HERC1: variants seen among roughly 807,000 people sequenced by gnomAD.
HERC1 encodes probable E3 ubiquitin-protein ligase HERC1.
Under a neutral mutation model 554.3 loss-of-function variants are expected in HERC1, and 160 were observed. The ratio of observed to expected loss-of-function variants is 0.29; its 90% CI spans 0.25 to 0.33. The LOEUF (loss-of-function observed/expected upper bound fraction) is 0.33, where lower values mean the gene tolerates loss of function less well. Ranked by LOEUF, HERC1 falls within the 10% of genes least tolerant of loss-of-function variation. The probability of loss-of-function intolerance (pLI) is 1.00; values close to 1 mark genes in which losing one functional copy is unlikely to be tolerated. For synonymous variants in HERC1, 2,175 were observed against 2,131.7 expected (o/e 1.02, Z -0.56); for missense variants, 4,919 against 5,918.5 (o/e 0.83, Z 5.54).
At chr15:63,832,077 C>G (rs2078174124) in intron 1 of HERC1, among the ~76,000 whole-genome samples, 1 of 152,178 alleles carries the variant, frequency 6.6e-6, no homozygotes, top group South Asian at 2.1e-4. Flanking sequence ...AGATGACAAT[C>G]TATCCTATTT....
intron 51 of HERC1, among the ~76,000 whole-genome samples, chr15:63,652,814 A>G (rs1044873060): frequency 2.0e-5 from 3 of 151,936 alleles, no homozygotes; most frequent in African/African-American, 7.3e-5. Context: ...CCACAACTGG[A>G]TAATTTTTGT....
chr15:63,702,877 G>C (rs922953960), intron 25 of HERC1, among the ~76,000 whole-genome samples: 1 of 152,132 alleles, frequency 6.6e-6, no homozygotes, highest in Non-Finnish European at 1.5e-5. Flanking sequence ...AGACCAAGGT[G>C]GGGGGATCAC....
In HERC1 at chr15:63,638,399, C is replaced by A; in HGVS notation, c.12093+12G>T. Reference sequence around the variant, plus strand: ...CCCATGTTTCTTTTCTATTTTTTATCCTGTTAGTTACCTGTTGGGCCTGTG... The same window carrying A: ...CCCATGTTTCTTTTCTATTTTTTATACTGTTAGTTACCTGTTGGGCCTGTG... On this transcript the variant is annotated intron_variant, in intron 63 of 77. Transcript: ENST00000443617. The A allele has an allele frequency of 6.2e-7, 1 of 1,605,552 alleles. No homozygotes were observed. The highest frequency in any genetic ancestry group is 8.5e-7 in the Non-Finnish European group (1 of 1,177,192).
chr15:63,623,797 C>T lies in HERC1; in HGVS notation c.13539G>A (p.Lys4513=). 6.2e-7 allele frequency: 1 copy of T among 1,614,022 alleles called. No individual in the cohort carries two copies. The highest frequency in any genetic ancestry group is 8.5e-7 in the Non-Finnish European group (1 of 1,179,900). The change falls in exon 73 of 78, where the codon AAG becomes AAA. Residue 4513 remains lysine, a synonymous_variant. Coordinates refer to ENST00000443617, the MANE Select transcript of HERC1 (RefSeq NM_003922.4). The part of the protein sequence containing the change: ...SDLRLPSRAW[K]VKLVGEGADD... The stretch of plus-strand genomic sequence containing the variant: ...CAGCCCCTTCTCCAACCAGCTTAAC[C>T]TTCCACGCTCGGGAAGGCAGGCGGA...
intron 68 of HERC1, among the ~76,000 whole-genome samples, chr15:63,631,219 C>A (rs554490717): frequency 3.0e-4 from 45 of 152,314 alleles, no homozygotes; most frequent in African/African-American, 9.1e-4. Flanking sequence ...CCAACCTCTC[C>A]CCTTACCTTG....
At chr15:63,808,977 C>T (rs2077214534) in intron 1 of HERC1, among the ~76,000 whole-genome samples, 3 of 152,180 alleles carry the variant, frequency 2.0e-5, no homozygotes. Flanking sequence ...ACTTCAAGAA[C>T]TCATTCTTAT....
chr15:63,805,661 A>C (rs2077115360), intron 1 of HERC1, among the ~76,000 whole-genome samples: 1 of 152,180 alleles, frequency 6.6e-6, no homozygotes, highest in Admixed American at 6.5e-5. Flanking sequence ...AAAAACAAAC[A>C]AAAGGTCAGA....
chr15:63,796,021 G>A (rs1192358481), intron 1 of HERC1, among the ~76,000 whole-genome samples: 1 of 152,218 alleles, frequency 6.6e-6, no homozygotes, highest in Admixed American at 6.5e-5. Flanking sequence ...AATTGTGGGA[G>A]CTAAGAACAT....
At chr15:63,696,444 C>A in intron 26 of HERC1, 105 bp from the exon 27 acceptor site, 1 of 716,136 alleles carries the variant, frequency 1.4e-6, no homozygotes, top group Non-Finnish European at 2.4e-6. Flanking sequence ...TCTGACATTT[C>A]ATATGAATCT....
chr15:63,661,761 A>G lies in HERC1; in HGVS notation c.9162T>C (p.Ser3054=), dbSNP rs1370162612. 20 of 1,613,932 alleles carry G rather than the reference A, an allele frequency of 1.2e-5. No homozygotes were observed. Among genetic ancestry groups the G allele is most frequent in the Non-Finnish European group, 1.6e-5 (19 of 1,179,816 alleles). ...LAMKTKSKST[S]SERYKGQAPD... is the part of the protein sequence containing the mutation. The stretch of plus-strand genomic sequence containing the variant: ...ACACAATTTCAAGGTACCTTTCAGA[A>G]CTTGTTGACTTAGATTTGGTCTTCA... The change falls in exon 45 of 78, where the codon AGT becomes AGC. Residue 3054 remains serine (S), a synonymous_variant. Coordinates refer to ENST00000443617, the MANE Select transcript of HERC1 (RefSeq NM_003922.4).
rs1339316373 is a variant in HERC1, at chr15:63,636,003, C to T, written c.12372G>A (p.Arg4124=). 1 of 1,613,976 alleles carries T rather than the reference C, an allele frequency of 6.2e-7. No individual in the cohort carries two copies. Reference sequence around the variant, plus strand: ...CTTGTAAGGCCTCGATCTGCCTGGGCCGCCGCTGCCTGTCGCTGTTCCCAT... The same window carrying T: ...CTTGTAAGGCCTCGATCTGCCTGGGTCGCCGCTGCCTGTCGCTGTTCCCAT... ...LGHGNSDRQR[R]PRQIEALQGE... The change falls in exon 65 of 78, where the codon CGG becomes CGA. Residue 4124 remains arginine, a synonymous_variant. Coordinates refer to ENST00000443617, the MANE Select transcript of HERC1 (RefSeq NM_003922.4).
At position 63,639,477 on chromosome 15, in the gene HERC1, T is replaced by G. The variant is rs1315217592; in HGVS notation, c.11901+675A>C. On this transcript the variant is annotated intron_variant, in intron 61 of 77. Coordinates refer to ENST00000443617, the MANE Select transcript of HERC1 (RefSeq NM_003922.4). ...TCTATGATATTCCCAGCGTCAAGATTGCCTAACAATGCATTTCTCAGAACA... is the reference window on the plus strand; with the variant it reads ...TCTATGATATTCCCAGCGTCAAGATGGCCTAACAATGCATTTCTCAGAACA... 2.6e-5 allele frequency among the ~76,000 whole-genome samples: 4 copies of G among 152,212 alleles called. No homozygotes were observed. The East Asian group carries it at 7.7e-4, about 29-fold the overall frequency.
intron 1 of HERC1, among the ~76,000 whole-genome samples, chr15:63,829,559 G>GTATATA (rs1316907768): frequency 3.1e-3 from 295 of 94,532 alleles, no homozygotes; most frequent in African/African-American, 3.7e-3. Context: ...GTGTGTGTGT[G>GTATATA]TGTATATATA....
At chr15:63,828,311 G>A (rs747443236) in intron 1 of HERC1, among the ~76,000 whole-genome samples, 10 of 151,892 alleles carry the variant, frequency 6.6e-5, no homozygotes, top group African/African-American at 9.7e-5. Flanking sequence ...TAAAAACAAG[G>A]AGAGAGTGAC....
intron 57 of HERC1, among the ~76,000 whole-genome samples, chr15:63,644,089 ACCT>A (rs1169084982): frequency 6.6e-6 from 1 of 152,082 alleles, no homozygotes; most frequent in Non-Finnish European, 1.5e-5. Context: ...TAGTACTCCC[ACCT>A]CCACTGCTGT....
intron 1 of HERC1, among the ~76,000 whole-genome samples, chr15:63,833,390 T>C (rs2146265072): frequency 6.6e-6 from 1 of 152,034 alleles, no homozygotes; most frequent in Non-Finnish European, 1.5e-5. Context: ...CCCCGGACCC[T>C]GAGAGGGAGT....
At chr15:63,768,932 T>C (rs1160993094) in intron 2 of HERC1, among the ~76,000 whole-genome samples, 1 of 152,190 alleles carries the variant, frequency 6.6e-6, no homozygotes, top group Non-Finnish European at 1.5e-5. Context: ...GCATTATGTA[T>C]ATATATATTG....
At chr15:63,827,177 C>A (rs1248409598) in intron 1 of HERC1, among the ~76,000 whole-genome samples, 5 of 152,104 alleles carry the variant, frequency 3.3e-5, no homozygotes, top group Non-Finnish European at 7.4e-5. Context: ...ATAATCCCAA[C>A]ACTTTGGAAG....
At position 63,694,696 on chromosome 15, in the gene HERC1, A is replaced by G. The variant is rs773810616; in HGVS notation, c.5242+78T>C. The G allele has an allele frequency of 1.3e-6, 2 of 1,578,050 alleles. No homozygotes were observed. Among genetic ancestry groups the G allele is most frequent in the Admixed American group, 3.3e-5 (2 of 59,968 alleles). ...TTTATCTACTAATGTTAAACACAAA[A>G]TATAGAACATAACTAGTACCATAAC... On this transcript the variant is annotated intron_variant, in intron 28 of 77. Transcript: ENST00000443617. The surrounding 1 kb of genome is among the most constrained non-coding windows in gnomAD (Gnocchi z 4.3).
Sources: gnomAD v4.1 joint callset for allele counts (sites outside exome capture counted in the v4.1 genomes callset) on GRCh38, gnomAD v4.1.1 for gene constraint, Gnocchi (gnomAD v3.1) non-coding constraint, MANE v1.5 for transcripts, NCBI Gene and HGNC (gene_info 2026-07-23, HGNC 2026-07-21) for gene names.